GALNTL6: variants seen among roughly 807,000 people sequenced by gnomAD.
GALNTL6 encodes the protein polypeptide N-acetylgalactosaminyltransferase-like 6.
GALNTL6 carries 46 observed loss-of-function variants against 73.7 expected under a neutral mutation model. That is an observed-to-expected ratio of 0.62 (90% CI 0.49 to 0.80). The LOEUF is 0.80. Among genes scored for constraint, GALNTL6 ranks in the 30% least tolerant of loss-of-function variants. GALNTL6 has a pLI of 0.00. For synonymous variants in GALNTL6, 259 were observed against 263.7 expected (o/e 0.98, Z 0.17); for missense variants, 604 against 755.0 (o/e 0.80, Z 2.34).
chr4:172,790,667 G>T (rs912810820), intron 5 of GALNTL6, among the ~76,000 whole-genome samples: 6 of 141,170 alleles, frequency 4.3e-5, no homozygotes, highest in African/African-American at 1.9e-4. Flanking sequence ...CGAGGCAGGC[G>T]GGATCACGAG....
intron 2 of GALNTL6, among the ~76,000 whole-genome samples, chr4:172,070,125 T>C (rs1184127961): frequency 1.8e-5 from 2 of 109,420 alleles, no homozygotes; most frequent in East Asian, 4.2e-4. Context: ...AAGTGGTGTG[T>C]TCTGAAAACG....
intron 2 of GALNTL6, among the ~76,000 whole-genome samples, chr4:172,016,630 G>C (rs182372589): frequency 6.6e-6 from 1 of 151,730 alleles, no homozygotes; most frequent in Non-Finnish European, 1.5e-5. Flanking sequence ...GATATTTTGG[G>C]GGTTGTTATA....
intron 5 of GALNTL6, among the ~76,000 whole-genome samples, chr4:172,407,460 A>G (rs1210043516): frequency 2.6e-5 from 4 of 152,098 alleles, no homozygotes; most frequent in Non-Finnish European, 4.4e-5. Flanking sequence ...ATTAATGTCT[A>G]CTATGTGCAA....
rs145415436 is a variant in GALNTL6, at chr4:172,798,711, C to G, written c.554-10650C>G. Among the ~76,000 whole-genome samples, 155 of 152,212 alleles carry G rather than the reference C, an allele frequency of 1.0e-3. 1 individual carries two copies. The South Asian group carries it at 0.022, about 22-fold the overall frequency. On this transcript the variant is annotated intron_variant, in intron 5 of 12. Transcript: ENST00000506823. The stretch of plus-strand genomic sequence containing the variant: ...AATGTGCACGTACATGTAAAAATAA[C>G]CAGCGGTTAACAGTAAAACAGTTTA...
At chr4:171,861,625 C>G (rs1002310965) in intron 2 of GALNTL6, among the ~76,000 whole-genome samples, 1 of 152,064 alleles carries the variant, frequency 6.6e-6, no homozygotes, top group African/African-American at 2.4e-5. Context: ...GAAGTTGTTC[C>G]CAGCCACTCC....
At chr4:171,840,573 TG>T (rs1235277248) in intron 2 of GALNTL6, among the ~76,000 whole-genome samples, 1 of 152,190 alleles carries the variant, frequency 6.6e-6, no homozygotes, top group Non-Finnish European at 1.5e-5. Flanking sequence ...TTTTGTGATT[TG>T]TGCTGCTAAC....
At chr4:172,296,271 A>T (rs2111110596) in intron 3 of GALNTL6, among the ~76,000 whole-genome samples, 1 of 152,288 alleles carries the variant, frequency 6.6e-6, no homozygotes, top group Non-Finnish European at 1.5e-5. Context: ...CTATGTATTT[A>T]TTATATTGAA....
At chr4:172,532,043 C>T (rs1412147784) in intron 5 of GALNTL6, among the ~76,000 whole-genome samples, 1 of 152,152 alleles carries the variant, frequency 6.6e-6, no homozygotes, top group Non-Finnish European at 1.5e-5. Flanking sequence ...TCTTGTGCGG[C>T]TGACGTGGGT....
chr4:172,595,249 A>C (rs1189134057), intron 5 of GALNTL6, among the ~76,000 whole-genome samples: 3 of 152,200 alleles, frequency 2.0e-5, no homozygotes, highest in Non-Finnish European at 2.9e-5. Flanking sequence ...TTGAGTAAAA[A>C]AAATATTACA....
intron 3 of GALNTL6, among the ~76,000 whole-genome samples, chr4:172,249,696 T>A (rs1224782726): frequency 6.6e-6 from 1 of 152,122 alleles, no homozygotes; most frequent in East Asian, 1.9e-4. Context: ...CAAGATACAA[T>A]GGGGGCCATT....
intron 10 of GALNTL6, among the ~76,000 whole-genome samples, chr4:172,998,662 C>T (rs1751903340): frequency 1.3e-5 from 2 of 152,292 alleles, no homozygotes; most frequent in South Asian, 4.1e-4. Flanking sequence ...CCAACAGCCT[C>T]TCCCTAGGCC....
chr4:172,152,937 T>C (rs1449330553), intron 2 of GALNTL6, among the ~76,000 whole-genome samples: 1 of 152,188 alleles, frequency 6.6e-6, no homozygotes, highest in African/African-American at 2.4e-5. Context: ...TAAAGTGTCT[T>C]GGGGAAGCAG....
At position 172,813,653 on chromosome 4, in the gene GALNTL6, T is replaced by A. The variant is rs754679886; in HGVS notation, c.853T>A (p.Trp285Arg). ...AGDAMRGAFDWEMYYKRIPIP... is the reference protein window; with the variant it reads ...AGDAMRGAFDREMYYKRIPIP... ...GGATGCCATGCGAGGAGCCTTCGAC[T>A]GGGAAATGTACTACAAAAGAATCCC... Residue 285 changes from tryptophan (W) to arginine (R), a missense_variant, in exon 7 of 13, where the codon TGG becomes AGG. Trp to Arg is a moderately radical substitution (Grantham distance 101). Transcript: ENST00000506823. 5 of 1,613,478 alleles carry A rather than the reference T, an allele frequency of 3.1e-6. No homozygotes were observed.
At chr4:172,469,699 G>A (rs1732972742) in intron 5 of GALNTL6, among the ~76,000 whole-genome samples, 1 of 152,094 alleles carries the variant, frequency 6.6e-6, no homozygotes, top group African/African-American at 2.4e-5. Flanking sequence ...ATTATCCTAA[G>A]GAAGTCAGCA....
chr4:171,989,747 C>T (rs1178801030), intron 2 of GALNTL6, among the ~76,000 whole-genome samples: 5 of 152,018 alleles, frequency 3.3e-5, no homozygotes, highest in East Asian at 1.9e-4. Flanking sequence ...ATGTCAGGAG[C>T]GGATTGGGTA....
chr4:172,680,949 T>G (rs938091849), intron 5 of GALNTL6, among the ~76,000 whole-genome samples: 2 of 152,064 alleles, frequency 1.3e-5, no homozygotes, highest in Non-Finnish European at 1.5e-5. Flanking sequence ...TACAACAGAG[T>G]CAAAAACAGA....
chr4:172,377,230 T>G (rs1032526062), intron 5 of GALNTL6, among the ~76,000 whole-genome samples: 1 of 152,184 alleles, frequency 6.6e-6, no homozygotes, highest in Non-Finnish European at 1.5e-5. Context: ...TTTGACAGAG[T>G]GCTGATTGGT....
chr4:172,009,585 C>T (rs1183328422), intron 2 of GALNTL6, among the ~76,000 whole-genome samples: 1 of 152,078 alleles, frequency 6.6e-6, no homozygotes, highest in Non-Finnish European at 1.5e-5. Flanking sequence ...AAACTTCATT[C>T]CAAGCCCCAC....
intron 2 of GALNTL6, among the ~76,000 whole-genome samples, chr4:172,059,498 G>A (rs1731128622): frequency 6.6e-6 from 1 of 152,108 alleles, no homozygotes; most frequent in African/African-American, 2.4e-5. Flanking sequence ...ACTTGAAAGG[G>A]AAGAAAGAGT....
Sources: allele counts gnomAD v4.1 joint callset (sites outside exome capture counted in the v4.1 genomes callset), GRCh38; gene constraint gnomAD v4.1.1; transcripts MANE v1.5; gene names NCBI Gene and HGNC (gene_info 2026-07-23, HGNC 2026-07-21).